The following BTBD8 variants were observed in gnomAD, a reference collection of about 807,000 sequenced individuals.
The protein encoded by BTBD8 is BTB domain containing 8.
In BTBD8, 110 loss-of-function variants were observed where a neutral mutation model predicts 162.9. The observed-to-expected ratio is 0.68, with a 90% CI of 0.58 to 0.79. The LOEUF is 0.79. Ranked by LOEUF, BTBD8 falls within the 30% of genes least tolerant of loss-of-function variation. BTBD8 has a pLI of 0.00. For synonymous variants in BTBD8, 667 were observed against 716.1 expected (o/e 0.93, Z 1.10); for missense variants, 1,905 against 2,085.4 (o/e 0.91, Z 1.68).
intron 4 of BTBD8, chr1:92,125,968 TCAAAG>T (rs369074268): frequency 2.8e-5 from 13 of 458,318 alleles, no homozygotes; most frequent in South Asian, 2.2e-4. Flanking sequence ...GTAGCCACTG[TCAAAG>T]CAAAGGCAAA....
chr1:92,085,652 C>T lies in BTBD8; in HGVS notation c.150-3046C>T, dbSNP rs188460307. On this transcript the variant is annotated intron_variant, in intron 1 of 17. Coordinates refer to ENST00000636805, the MANE Select transcript of BTBD8 (RefSeq NM_001376131.1). ...GGCTGAGGCAGGAGAATTGCTTGAA[C>T]CCAGGAGGTAGAGGTTGCAGTGAGC... Among the ~76,000 whole-genome samples, 6 of 152,288 alleles carry T rather than the reference C, an allele frequency of 3.9e-5. No homozygotes were observed. In the East Asian group the frequency reaches 7.7e-4, roughly 20 times the overall value.
Position 92,181,900 on chromosome 1 carries a change from C to T in BTBD8, c.4217C>T (p.Pro1406Leu). ...AATTTCTCTATATCTAACCCAGCTC[C>T]TCAGCAGTTTCAGGGAATAATTAAT... The part of the protein sequence containing the change: ...AENFSISNPA[P>L]QQFQGIINLA... Residue 1406 changes from proline (P) to leucine (L), a missense_variant, in exon 17 of 18, where the codon CCT (proline) becomes CTT (leucine). Transcript: ENST00000636805. 6.4e-7 allele frequency: 1 copy of T among 1,551,482 alleles called. No individual in the cohort carries two copies. Among genetic ancestry groups the T allele is most frequent in the Non-Finnish European group, 8.7e-7 (1 of 1,146,896 alleles).
Position 92,104,761 on chromosome 1 carries a change from G to A in BTBD8, c.544+2092G>A, listed in dbSNP as rs115093294. ...TCATACTGTTAATACTGCCCTCCTT[G>A]AAACTTCTGTTTTCTGTGACACCAT... On this transcript the variant is annotated intron_variant, in intron 3 of 17. Coordinates refer to ENST00000636805, the MANE Select transcript of BTBD8 (RefSeq NM_001376131.1). Among the ~76,000 whole-genome samples the A allele has an allele frequency of 8.5e-3, 1,293 of 152,016 alleles. 21 individuals are homozygous for A. Among genetic ancestry groups the A allele is most frequent in the African/African-American group, 0.029 (1,201 of 41,444 alleles).
At chr1:92,177,591 T>G (rs779783247) in intron 14 of BTBD8, 45 bp downstream of exon 14, 1 of 1,341,304 alleles carries the variant, frequency 7.5e-7, no homozygotes, top group Non-Finnish European at 1.0e-6. Flanking sequence ...GACAGTTAAA[T>G]TTCCTTCAAA....
chr1:92,176,858 T>C lies in BTBD8; in HGVS notation c.1665T>C (p.Asp555=). Residue 555 remains aspartate, a synonymous_variant, in exon 14 of 18, where the codon GAT becomes GAC. Transcript: ENST00000636805. The stretch of plus-strand genomic sequence containing the variant: ...GGAAACAAGTTTCTGACTCTGGTGA[T>C]ATAAAAATCAAATCTTGGAGGGGAA... ...QQRKQVSDSG[D]IKIKSWRGNN... 1 of 1,465,192 alleles carries C rather than the reference T, an allele frequency of 6.8e-7. No homozygotes were observed. The highest frequency in any genetic ancestry group is 9.0e-7 in the Non-Finnish European group (1 of 1,106,826). 90.8% of individuals were successfully genotyped at this position (1,465,192 alleles called of 1,614,324 possible). A position where few individuals can be genotyped will look rare whatever the true frequency, so the allele number is the denominator to read the frequency against.
chr1:92,106,660 CAAAAAAAAAAAAAAAAA>C (rs60676530), intron 3 of BTBD8, among the ~76,000 whole-genome samples: 1 of 9,944 alleles, frequency 1.0e-4, no homozygotes, highest in African/African-American at 4.0e-4. Flanking sequence ...GACTCTGTCT[CAAAAAAAAAAAAAAAAA>C]AAAAAAAAAA....
At chr1:92,145,056 C>G (rs138922176) in intron 7 of BTBD8, among the ~76,000 whole-genome samples, 1 of 152,018 alleles carries the variant, frequency 6.6e-6, no homozygotes, top group Non-Finnish European at 1.5e-5. Flanking sequence ...AGCTGCCTCC[C>G]AGGTTCAAGT....
chr1:92,178,486 A>T, intron 16 of BTBD8, 35 bp downstream of exon 16: 1 of 1,512,002 alleles, frequency 6.6e-7, no homozygotes, highest in Non-Finnish European at 8.9e-7. Flanking sequence ...TCTTGAAATT[A>T]TTTCCTTGTG....
chr1:92,090,405 G>A (rs1648265345), intron 2 of BTBD8, among the ~76,000 whole-genome samples: 1 of 152,122 alleles, frequency 6.6e-6, no homozygotes, highest in South Asian at 2.1e-4. Context: ...ACGATGTTGA[G>A]CATATTGTTG....
intron 5 of BTBD8, among the ~76,000 whole-genome samples, chr1:92,134,097 A>G (rs1467900491): frequency 1.3e-5 from 2 of 151,780 alleles, no homozygotes; most frequent in Non-Finnish European, 2.9e-5. Context: ...CACATACTAT[A>G]ATGTAAATTG....
At chr1:92,155,411 TC>T (rs1446831884) in intron 9 of BTBD8, among the ~76,000 whole-genome samples, 7 of 152,086 alleles carry the variant, frequency 4.6e-5, no homozygotes, top group African/African-American at 1.7e-4. Flanking sequence ...CTGTTTGTCT[TC>T]TTTCATTTCT....
intron 4 of BTBD8, among the ~76,000 whole-genome samples, chr1:92,113,229 A>G (rs528347808): frequency 1.2e-4 from 19 of 152,228 alleles, no homozygotes; most frequent in Admixed American, 2.0e-4. Context: ...ATGTTTTCTA[A>G]GTTTCTGTTT....
At chr1:92,082,918 C>G (rs902782171) in intron 1 of BTBD8, among the ~76,000 whole-genome samples, 1 of 152,044 alleles carries the variant, frequency 6.6e-6, no homozygotes, top group African/African-American at 2.4e-5. Flanking sequence ...AAATGTTTTA[C>G]TTACTTCTCT....
chr1:92,139,472 G>A (rs900767019), intron 6 of BTBD8, 42 bp downstream of exon 6: 6 of 1,580,980 alleles, frequency 3.8e-6, no homozygotes, highest in African/African-American at 1.4e-5. Context: ...AAAAGAGTTA[G>A]GTTCTGCTTT....
intron 9 of BTBD8, among the ~76,000 whole-genome samples, chr1:92,160,014 T>C (rs1650245633): frequency 6.6e-6 from 1 of 152,190 alleles, no homozygotes; most frequent in Admixed American, 6.5e-5. Flanking sequence ...CTTTGGAACT[T>C]TAGTAATGTG....
Position 92,166,987 on chromosome 1 carries a change from G to A in BTBD8, c.1152G>A (p.Met384Ile). The change falls in exon 10 of 18, where the codon ATG becomes ATA. Residue 384 changes from methionine to isoleucine, a missense_variant. Met to Ile is a conservative substitution (Grantham distance 10). Around this residue, in one of 3 missense-constraint regions of BTBD8, gnomAD observed 1,374 missense variants for 1,442.7 expected, o/e 0.95. Transcript: ENST00000636805. ...ATAAGAATGCTGCTTTTCTTCTGAT[G>A]GAAAGTGACAGGCTAATCATCAGTT... ...LNDKNAAFLL[M>I]ESDRLIISLP... 5 of 1,548,422 alleles carry A rather than the reference G, an allele frequency of 3.2e-6. No individual in the cohort carries two copies. The highest frequency in any genetic ancestry group is 4.4e-6 in the Non-Finnish European group (5 of 1,145,868).
chr1:92,182,412 G>T lies in BTBD8; in HGVS notation c.4729G>T (p.Val1577Leu), dbSNP rs1301823807. ...ACGCAGCAAATTCTTGGATAGTGAT[G>T]TAAAATCTCAAGAAAGACCATGTCA... ...QQRSKFLDSD[V>L]KSQERPCHLD... The change falls in exon 17 of 18, where the codon GTA (valine) becomes TTA (leucine). Residue 1577 changes from valine to leucine, a missense_variant. By Grantham distance (32) the Val-to-Leu change is conservative. This residue lies in a region of BTBD8 where 517 missense variants were observed against 606.6 expected (regional missense o/e 0.85). Coordinates refer to ENST00000636805, the MANE Select transcript of BTBD8 (RefSeq NM_001376131.1). 1 of 1,550,370 alleles carries T rather than the reference G, an allele frequency of 6.5e-7. No individual in the cohort carries two copies. Among genetic ancestry groups the T allele is most frequent in the South Asian group, 1.2e-5 (1 of 83,644 alleles).
At chr1:92,144,231 C>G (rs1226949066) in intron 7 of BTBD8, among the ~76,000 whole-genome samples, 2 of 151,888 alleles carry the variant, frequency 1.3e-5, no homozygotes, top group Non-Finnish European at 2.9e-5. Context: ...GCCTTGGCCT[C>G]CCAAAGTGCT....
intron 9 of BTBD8, among the ~76,000 whole-genome samples, chr1:92,153,304 A>G (rs1650089460): frequency 6.6e-6 from 1 of 152,136 alleles, no homozygotes; most frequent in Admixed American, 6.5e-5. Context: ...TTATATATGA[A>G]TTCTATCTGG....
Sources: allele counts gnomAD v4.1 joint callset (sites outside exome capture counted in the v4.1 genomes callset), GRCh38; gene constraint gnomAD v4.1.1; regional missense constraint gnomAD v4.1.1; transcripts MANE v1.5; gene names NCBI Gene and HGNC (gene_info 2026-07-23, HGNC 2026-07-21).